Variants in TMTC4 observed in about 807,000 individuals in gnomAD.
The protein encoded by TMTC4 is transmembrane O-mannosyltransferase targeting cadherins 4, also known as protein O-mannosyl-transferase TMTC4.
In TMTC4, 65 loss-of-function variants were observed where a neutral mutation model predicts 86.0. That is an observed-to-expected ratio of 0.76 (90% confidence interval 0.62 to 0.93). The LOEUF (loss-of-function observed/expected upper bound fraction) is 0.93. Ranked by LOEUF, TMTC4 falls within the 40% of genes least tolerant of loss-of-function variation. The probability of loss-of-function intolerance (pLI) is 0.00; values close to 1 mark genes in which losing one functional copy is unlikely to be tolerated. For missense variants in TMTC4, 866 were observed against 948.1 expected, an observed-to-expected ratio of 0.91 and a Z score of 1.14; for synonymous variants, 379 against 382.5, an observed-to-expected ratio of 0.99 and a Z score of 0.11.
chr13:100,644,988 T>C (rs914629442), intron 6 of TMTC4, among the ~76,000 whole-genome samples: 1 of 152,154 alleles, frequency 6.6e-6, no homozygotes, highest in Non-Finnish European at 1.5e-5. Context: ...CTAATTTTTG[T>C]ATTTTTAGTA....
intron 3 of TMTC4, 41 bp downstream of exon 3, chr13:100,668,538 T>A: frequency 6.3e-7 from 1 of 1,579,912 alleles, no homozygotes; most frequent in Non-Finnish European, 8.7e-7. Flanking sequence ...TGAGACACAG[T>A]TGGGCAGTTA....
At chr13:100,626,225 A>C in intron 12 of TMTC4, 75 bp from the exon 13 acceptor site, 1 of 1,447,636 alleles carries the variant, frequency 6.9e-7, no homozygotes, top group Non-Finnish European at 9.7e-7. Flanking sequence ...ACATCTTCTA[A>C]CTGAAGACAA....
At chr13:100,610,923 C>T (rs553951493) in intron 17 of TMTC4, among the ~76,000 whole-genome samples, 2 of 152,302 alleles carry the variant, frequency 1.3e-5, no homozygotes, top group Non-Finnish European at 2.9e-5. Context: ...CCCTGCTACA[C>T]AAGTAGATTC....
At chr13:100,637,851 A>C in intron 8 of TMTC4, 79 bp downstream of exon 8, 1 of 1,535,464 alleles carries the variant, frequency 6.5e-7, no homozygotes. Flanking sequence ...ATCACAAGGA[A>C]TATTTGAGAA....
rs867658095 is a variant in TMTC4, at chr13:100,618,923, C to T, written c.1837-4493G>A. 2.0e-5 allele frequency among the ~76,000 whole-genome samples: 3 copies of T among 152,224 alleles called. No homozygotes were observed. In the South Asian group the frequency reaches 6.2e-4, roughly 31 times the overall value. Reference sequence around the variant, plus strand: ...CAGACACGGCAACCATCCGATTTCTCAATCTTTTCCCCACCTTTCCCCCCT... The same window carrying T: ...CAGACACGGCAACCATCCGATTTCTTAATCTTTTCCCCACCTTTCCCCCCT... On this transcript the variant is annotated intron_variant, in intron 15 of 18. Transcript: ENST00000342624.
At chr13:100,634,269 C>CA (rs1374373438) in intron 12 of TMTC4, among the ~76,000 whole-genome samples, 2 of 152,250 alleles carry the variant, frequency 1.3e-5, no homozygotes, top group East Asian at 3.9e-4. Context: ...ATCTGACCCC[C>CA]AAAAAATCAC....
chr13:100,629,960 T>G (rs1881104091), intron 12 of TMTC4, among the ~76,000 whole-genome samples: 1 of 152,012 alleles, frequency 6.6e-6, no homozygotes, highest in South Asian at 2.1e-4. Context: ...GACACCCTGA[T>G]GTGACAATTC....
intron 12 of TMTC4, among the ~76,000 whole-genome samples, chr13:100,626,599 T>C (rs1310077117): frequency 6.6e-6 from 1 of 152,178 alleles, no homozygotes; most frequent in African/African-American, 2.4e-5. Context: ...TAGCTGGGAC[T>C]ACAGGCATAC....
chr13:100,610,930 A>G (rs1001458629), intron 17 of TMTC4, among the ~76,000 whole-genome samples: 1 of 152,230 alleles, frequency 6.6e-6, no homozygotes, highest in African/African-American at 2.4e-5. Context: ...ACACAAGTAG[A>G]TTCATAAAAA....
In TMTC4 at chr13:100,663,012, G is replaced by T. The variant is rs1296965516; in HGVS notation, c.504C>A (p.Ser168=). ...CAGCAAACAGCAGCGCGGCCAGCAG[G>T]GACGCCCTGGGGGCGAGGTGCAGCC... ...GRRLHLAPRA[S]LLAALLFAVH... is the part of the protein sequence containing the mutation. The change falls in exon 5 of 19, where the codon TCC becomes TCA. Residue 168 remains serine, a synonymous_variant. Transcript: ENST00000342624. 3 of 1,614,122 alleles carry T rather than the reference G, an allele frequency of 1.9e-6. No individual in the cohort carries two copies. The highest frequency in any genetic ancestry group is 2.5e-6 in the Non-Finnish European group (3 of 1,180,000).
chr13:100,635,661 T>G (rs1025717301), intron 10 of TMTC4: 1 of 153,180 alleles, frequency 6.5e-6, no homozygotes, highest in African/African-American at 2.4e-5. Flanking sequence ...GTTTATGAAA[T>G]TTGAAATAAA....
At chr13:100,626,226 C>T in intron 12 of TMTC4, 76 bp from the exon 13 acceptor site, 2 of 1,448,508 alleles carry the variant, frequency 1.4e-6, no homozygotes, top group South Asian at 2.3e-5. Flanking sequence ...CATCTTCTAA[C>T]TGAAGACAAA....
At chr13:100,639,743 C>T (rs1256861064) in intron 7 of TMTC4, among the ~76,000 whole-genome samples, 1 of 152,030 alleles carries the variant, frequency 6.6e-6, no homozygotes, top group Non-Finnish European at 1.5e-5. Flanking sequence ...AGTTCGAGAC[C>T]AGCCTGGCCA....
Position 100,614,448 on chromosome 13 carries a change from C to CA in TMTC4, c.1837-19dup, listed in dbSNP as rs775431893. 23 of 1,551,960 alleles carry CA rather than the reference C, an allele frequency of 1.5e-5. No individual in the cohort carries two copies. The highest frequency in any genetic ancestry group is 1.9e-5 in the Non-Finnish European group (21 of 1,130,894). ...TCTGCATACTGAAAATAAAACACAC[C>CA]AAAAAATCAGTATTCCAAGTTTCCT... On this transcript the variant is annotated intron_variant, in intron 15 of 18. Transcript: ENST00000342624.
At chr13:100,610,126 A>G (rs921215958) in intron 17 of TMTC4, among the ~76,000 whole-genome samples, 27 of 152,300 alleles carry the variant, frequency 1.8e-4, no homozygotes, top group African/African-American at 6.0e-4. Context: ...GAGATTTACC[A>G]AGTGCATGAT....
At chr13:100,628,212 C>T (rs1880833814) in intron 12 of TMTC4, among the ~76,000 whole-genome samples, 1 of 152,198 alleles carries the variant, frequency 6.6e-6, no homozygotes, top group Non-Finnish European at 1.5e-5. Context: ...TTCTCACCTC[C>T]ACCAGACCCT....
intron 8 of TMTC4, 104 bp downstream of exon 8, chr13:100,637,826 A>G: frequency 4.6e-6 from 7 of 1,532,708 alleles, no homozygotes; most frequent in Non-Finnish European, 6.2e-6. Context: ...AAGGCTGGTT[A>G]TTGTAGAATT....
intron 12 of TMTC4, among the ~76,000 whole-genome samples, chr13:100,634,001 G>A (rs61969118): frequency 0.18 from 27,779 of 152,060 alleles, 2,852 homozygotes; most frequent in Admixed American, 0.24. Context: ...TTAGCTGGGT[G>A]TGGTAGCAAG....
chr13:100,649,066 CTTAAT>C (rs1455983194), intron 6 of TMTC4, among the ~76,000 whole-genome samples: 1 of 152,088 alleles, frequency 6.6e-6, no homozygotes. Context: ...AACTGGAAAG[CTTAAT>C]TTAATATTTT....
Sources: allele counts gnomAD v4.1 joint callset (sites outside exome capture counted in the v4.1 genomes callset), GRCh38; gene constraint gnomAD v4.1.1; transcripts MANE v1.5; gene names NCBI Gene and HGNC (gene_info 2026-07-23, HGNC 2026-07-21).